The following MS4A6E variants were observed in gnomAD, a reference collection of about 807,000 sequenced individuals.
MS4A6E encodes the protein membrane-spanning 4-domains subfamily A member 6E.
MS4A6E carries 8 observed loss-of-function variants against 13.2 expected under a neutral mutation model. The observed-to-expected ratio is 0.60, with a 90% CI of 0.35 to 1.09. MS4A6E has a LOEUF of 1.09. MS4A6E is among the 50% of genes least tolerant of loss of function. The pLI is 0.02. For synonymous variants in MS4A6E, 72 were observed against 67.6 expected (o/e 1.06, Z -0.32); for missense variants, 177 against 171.1 (o/e 1.03, Z -0.19).
intron 4 of MS4A6E, among the ~76,000 whole-genome samples, chr11:60,340,500 A>G (rs2085217241): frequency 6.6e-6 from 1 of 152,224 alleles, no homozygotes; most frequent in African/African-American, 2.4e-5. Context: ...TCAAATTCCA[A>G]GGGATACCAC....
intron 1 of MS4A6E, among the ~76,000 whole-genome samples, chr11:60,334,625 G>T (rs1178088552): frequency 6.6e-6 from 1 of 152,150 alleles, no homozygotes; most frequent in Admixed American, 6.5e-5. Flanking sequence ...TTTGCCTCTG[G>T]ATATTGGGAC....
intron 1 of MS4A6E, among the ~76,000 whole-genome samples, chr11:60,327,729 A>G (rs949701685): frequency 6.6e-6 from 1 of 152,028 alleles, no homozygotes; most frequent in East Asian, 1.9e-4. Flanking sequence ...AATGAGAAAT[A>G]ATTAAAAACT....
chr11:60,342,594 C>G (rs866432633), downstream of MS4A6E, among the ~76,000 whole-genome samples: 27 of 152,102 alleles, frequency 1.8e-4, no homozygotes, highest in African/African-American at 5.8e-4. Context: ...AAGTGCTGGC[C>G]ATCCCACACT....
chr11:60,332,412 TA>T (rs1171868107), intron 1 of MS4A6E, among the ~76,000 whole-genome samples: 1 of 152,240 alleles, frequency 6.6e-6, no homozygotes, highest in Non-Finnish European at 1.5e-5. Context: ...AGTTAGAGAA[TA>T]AGAAGGCCTT....
At chr11:60,330,443 A>C (rs1197214975) in intron 1 of MS4A6E, among the ~76,000 whole-genome samples, 9 of 128,298 alleles carry the variant, frequency 7.0e-5, no homozygotes, top group African/African-American at 9.1e-5. Context: ...CCGGGTTCAC[A>C]CCATTCTCCT....
At chr11:60,330,366 G>T (rs546756766) in intron 1 of MS4A6E, among the ~76,000 whole-genome samples, 1 of 116,482 alleles carries the variant, frequency 8.6e-6, no homozygotes, top group Non-Finnish European at 1.7e-5. Context: ...TTTTTAGGCG[G>T]AGTCTCACTC....
intron 1 of MS4A6E, among the ~76,000 whole-genome samples, chr11:60,328,328 C>T (rs1457436056): frequency 1.3e-5 from 2 of 151,968 alleles, no homozygotes; most frequent in Non-Finnish European, 2.9e-5. Context: ...AAAGGCTGTT[C>T]AAGAAAGAAA....
intron 1 of MS4A6E, among the ~76,000 whole-genome samples, chr11:60,331,831 G>A (rs2085157998): frequency 6.6e-6 from 1 of 152,172 alleles, no homozygotes; most frequent in African/African-American, 2.4e-5. Flanking sequence ...TCATGAATGG[G>A]ATTGGTGCTC....
intron 4 of MS4A6E, among the ~76,000 whole-genome samples, chr11:60,347,581 G>GA (rs112099637): frequency 0.017 from 1,944 of 115,506 alleles, 27 homozygotes; most frequent in African/African-American, 0.048. Context: ...AGAGAACTGA[G>GA]AAAAAAAAAA....
At chr11:60,343,922 G>C (rs1252030286), downstream of MS4A6E, among the ~76,000 whole-genome samples, 1 of 152,126 alleles carries the variant, frequency 6.6e-6, no homozygotes, top group Non-Finnish European at 1.5e-5. Context: ...GAACAGTGTA[G>C]GGCCCTTCCC....
chr11:60,336,596 C>A (rs1360919172), intron 2 of MS4A6E, among the ~76,000 whole-genome samples: 1 of 152,128 alleles, frequency 6.6e-6, no homozygotes, highest in East Asian at 1.9e-4. Flanking sequence ...CAAGACAAAT[C>A]TAGCTTATTC....
downstream of MS4A6E, among the ~76,000 whole-genome samples, chr11:60,341,815 A>G (rs2085227609): frequency 6.6e-6 from 1 of 152,008 alleles, no homozygotes. Flanking sequence ...TTTATCTTCA[A>G]ATCTGTTTCA....
chr11:60,339,840 C>T (rs1234159545), intron 3 of MS4A6E, 26 bp from the exon 4 acceptor site: 45 of 1,605,248 alleles, frequency 2.8e-5, no homozygotes, highest in Non-Finnish European at 3.7e-5. Context: ...CCAAGCATCA[C>T]TGATATTTTA....
At chr11:60,329,218 C>G (rs990632598) in intron 1 of MS4A6E, among the ~76,000 whole-genome samples, 2 of 151,694 alleles carry the variant, frequency 1.3e-5, no homozygotes, top group African/African-American at 4.9e-5. Flanking sequence ...TGTTCAATTC[C>G]CACTTATGAG....
chr11:60,340,044 G>C, intron 4 of MS4A6E, 80 bp downstream of exon 4: 1 of 1,581,500 alleles, frequency 6.3e-7, no homozygotes. Context: ...CACCAAGAGT[G>C]GTAGAAGGAA....
At chr11:60,338,559 T>C (rs1177436027) in intron 3 of MS4A6E, 1 of 152,378 alleles carries the variant, frequency 6.6e-6, no homozygotes, top group Non-Finnish European at 1.5e-5. Context: ...TATAGGGAGA[T>C]GGAGAGTGTA....
intron 4 of MS4A6E, among the ~76,000 whole-genome samples, chr11:60,347,305 T>C (rs1376074741): frequency 1.3e-5 from 2 of 152,198 alleles, no homozygotes; most frequent in East Asian, 1.9e-4. Context: ...GTCTGGGTTA[T>C]CTTGCAGGGC....
chr11:60,335,164 G>T, intron 2 of MS4A6E, 122 bp downstream of exon 2: 1 of 1,361,188 alleles, frequency 7.3e-7, no homozygotes, highest in Non-Finnish European at 9.9e-7. Context: ...AGGGACTTTG[G>T]GGTAGAAGCC....
chr11:60,338,291 A>G (rs2085202066), intron 3 of MS4A6E, among the ~76,000 whole-genome samples: 1 of 152,222 alleles, frequency 6.6e-6, no homozygotes, highest in African/African-American at 2.4e-5. Flanking sequence ...ATTGGCAAAC[A>G]GAGCAGAAAG....
Sources: gnomAD v4.1 joint callset for allele counts (sites outside exome capture counted in the v4.1 genomes callset) on GRCh38, gnomAD v4.1.1 for gene constraint, MANE v1.5 for transcripts, NCBI Gene and HGNC (gene_info 2026-07-23, HGNC 2026-07-21) for gene names.